The following GNAL variants were observed in gnomAD, a reference collection of about 807,000 sequenced individuals.
GNAL encodes the protein G protein subunit alpha L.
A neutral mutation model predicts 55.1 loss-of-function variants in GNAL; 18 were observed. The ratio of observed to expected loss-of-function variants is 0.33; its 90% CI spans 0.23 to 0.48. The LOEUF (loss-of-function observed/expected upper bound fraction) is 0.48, where lower values mean the gene tolerates loss of function less well. Among genes scored for constraint, GNAL ranks in the 20% least tolerant of loss-of-function variants. The pLI, the probability that GNAL is intolerant of heterozygous loss-of-function variation, is 0.99. For missense variants in GNAL, 412 were observed against 614.1 expected, an observed-to-expected ratio of 0.67 and a Z score of 3.48; for synonymous variants, 253 against 237.0, an observed-to-expected ratio of 1.07 and a Z score of -0.62.
chr18:11,775,931 C>T (rs949397794), intron 4 of GNAL, among the ~76,000 whole-genome samples: 6 of 152,216 alleles, frequency 3.9e-5, no homozygotes, highest in African/African-American at 1.4e-4. Context: ...ATTTGGATGG[C>T]TAGGCTCGCC....
intron 5 of GNAL, among the ~76,000 whole-genome samples, chr18:11,846,464 T>TATATACAC (rs1555613166): frequency 8.2e-4 from 115 of 140,094 alleles, no homozygotes; most frequent in East Asian, 7.7e-3. Flanking sequence ...TATATAAATA[T>TATATACAC]ACACACACAC....
rs575230876 is a variant in GNAL, at chr18:11,699,562, G to A, written c.376+9623G>A. 1.6e-3 allele frequency among the ~76,000 whole-genome samples: 248 copies of A among 151,554 alleles called. 2 individuals carry two copies. The highest frequency in any genetic ancestry group is 5.8e-3 in the African/African-American group (240 of 41,320). ...AGTTGTTGGGTTTTTTTTTTGAGGG[G>A]GGGGGTTGGCTTTAAGCTGAAACCA... On this transcript the variant is annotated intron_variant, in intron 1 of 11. Transcript: ENST00000334049.
chr18:11,714,375 A>G (rs2031905176), intron 1 of GNAL, among the ~76,000 whole-genome samples: 1 of 152,208 alleles, frequency 6.6e-6, no homozygotes, highest in African/African-American at 2.4e-5. Context: ...GAAGAAAAAA[A>G]GGGACAGTAG....
In GNAL at chr18:11,867,080, C is replaced by A. The variant is rs189940222; in HGVS notation, c.852-88C>A. 4.1e-5 allele frequency: 41 copies of A among 1,002,548 alleles called. No individual in the cohort carries two copies. The African/African-American group carries it at 5.2e-4, about 13-fold the overall frequency. The allele number at this position is 1,002,548 out of a possible 1,614,324, so 62.1% of individuals were successfully genotyped here. On this transcript the variant is annotated intron_variant, in intron 7 of 11. Transcript: ENST00000334049. ...CAAGACCCATGTGTGAACGCTGGAA[C>A]CTGCTGATAGCAAAAGAGGAAAGCA...
intron 5 of GNAL, among the ~76,000 whole-genome samples, chr18:11,843,616 TAA>T (rs1266618449): frequency 5.3e-5 from 8 of 152,142 alleles, no homozygotes; most frequent in African/African-American, 1.4e-4. Context: ...CTCACCAAGT[TAA>T]GTTATATTTG....
intron 4 of GNAL, among the ~76,000 whole-genome samples, chr18:11,800,369 G>C (rs562577042): frequency 3.9e-5 from 6 of 152,314 alleles, no homozygotes; most frequent in African/African-American, 1.4e-4. Context: ...TGCAAACTGC[G>C]AATTGGGAGA....
intron 5 of GNAL, among the ~76,000 whole-genome samples, chr18:11,860,744 A>G: frequency 6.6e-6 from 1 of 152,180 alleles, no homozygotes; most frequent in East Asian, 1.9e-4. Context: ...GTGGGTTTGT[A>G]CAGATCAGTT....
chr18:11,761,351 C>G (rs1243423819), intron 4 of GNAL, among the ~76,000 whole-genome samples: 1 of 152,196 alleles, frequency 6.6e-6, no homozygotes, highest in Non-Finnish European at 1.5e-5. Flanking sequence ...ATCCTCATCC[C>G]CATGCCCTCT....
At chr18:11,851,411 A>C in intron 5 of GNAL, 1 of 1,368,532 alleles carries the variant, frequency 7.3e-7, no homozygotes, top group South Asian at 1.6e-5. Context: ...AGGAAGTGGG[A>C]CCAAAACAAA....
At chr18:11,710,969 G>A (rs373926185) in intron 1 of GNAL, among the ~76,000 whole-genome samples, 9 of 151,628 alleles carry the variant, frequency 5.9e-5, no homozygotes, top group South Asian at 4.2e-4. Flanking sequence ...CCCACCTCCC[G>A]GGTTCACACC....
chr18:11,850,719 C>A (rs2035836875), intron 5 of GNAL, among the ~76,000 whole-genome samples: 1 of 152,120 alleles, frequency 6.6e-6, no homozygotes. Flanking sequence ...AAAGATGGGT[C>A]TTTTTATTAC....
chr18:11,691,642 G>GTTT (rs1483297502), intron 1 of GNAL, among the ~76,000 whole-genome samples: 1 of 151,772 alleles, frequency 6.6e-6, no homozygotes, highest in Non-Finnish European at 1.5e-5. Flanking sequence ...TTTGTATAAG[G>GTTT]TGTAAGGAAG....
chr18:11,833,669 A>T (rs1280348413), intron 5 of GNAL: 1 of 152,222 alleles, frequency 6.6e-6, no homozygotes, highest in African/African-American at 2.4e-5. Flanking sequence ...CAGACTTCCT[A>T]TACAGAAAGG....
chr18:11,748,995 G>T (rs551460250), intron 1 of GNAL, among the ~76,000 whole-genome samples: 1 of 151,820 alleles, frequency 6.6e-6, no homozygotes, highest in Non-Finnish European at 1.5e-5. Context: ...GTGTGATGGC[G>T]GGTGCCTATA....
chr18:11,739,015 C>T (rs956298606), intron 1 of GNAL, among the ~76,000 whole-genome samples: 3 of 152,134 alleles, frequency 2.0e-5, no homozygotes, highest in African/African-American at 7.2e-5. Flanking sequence ...CCGAAGTACA[C>T]GAGCAGAAAC....
At chr18:11,858,790 A>G (rs549246706) in intron 5 of GNAL, among the ~76,000 whole-genome samples, 2 of 152,180 alleles carry the variant, frequency 1.3e-5, no homozygotes, top group African/African-American at 2.4e-5. Context: ...AGCTCTTGGA[A>G]ATGTTCAATG....
chr18:11,883,651 A>T lies in GNAL; in HGVS notation c.*2516A>T, dbSNP rs944905833. ...TTCCATTAATTGATCAAGTATAAAA[A>T]TCTACGAAAACAATATGTTCTGCAC... On this transcript the variant is annotated 3_prime_UTR_variant, in exon 12 of 12. Transcript: ENST00000334049. The T allele has an allele frequency of 1.3e-5, 2 of 153,308 alleles. No homozygotes were observed. The highest frequency in any genetic ancestry group is 2.9e-5 in the Non-Finnish European group (2 of 68,046). The allele number at this position is 153,308 out of a possible 1,614,324, so 9.5% of individuals were successfully genotyped here.
intron 4 of GNAL, among the ~76,000 whole-genome samples, chr18:11,786,277 G>A (rs1306307618): frequency 6.6e-6 from 1 of 151,806 alleles, no homozygotes; most frequent in Admixed American, 6.6e-5. Flanking sequence ...ATATGAAAGA[G>A]GAGTAGAAAC....
At chr18:11,867,543 G>A (rs1229156981) in intron 8 of GNAL, among the ~76,000 whole-genome samples, 1 of 152,068 alleles carries the variant, frequency 6.6e-6, no homozygotes, top group Non-Finnish European at 1.5e-5. Flanking sequence ...GGCCGGGCGT[G>A]GTGGCTCATA....
Sources: allele counts gnomAD v4.1 joint callset (sites outside exome capture counted in the v4.1 genomes callset), GRCh38; gene constraint gnomAD v4.1.1; transcripts MANE v1.5; gene names NCBI Gene and HGNC (gene_info 2026-07-23, HGNC 2026-07-21).